The following CDH26 variants were observed in gnomAD, a reference collection of about 807,000 sequenced individuals.
CDH26 encodes cadherin 26, also known as cadherin-like protein 26.
In CDH26, 83 loss-of-function variants were observed where a neutral mutation model predicts 90.3. That is an observed-to-expected ratio of 0.92 (90% CI 0.77 to 1.10). The LOEUF (loss-of-function observed/expected upper bound fraction) is 1.10. Among genes scored for constraint, CDH26 ranks in the 50% least tolerant of loss-of-function variants. CDH26 has a pLI of 0.00. For synonymous variants in CDH26, 397 were observed against 396.3 expected (o/e 1.00, Z -0.02); for missense variants, 1,013 against 1,037.6 (o/e 0.98, Z 0.33).
Position 59,967,880 on chromosome 20 carries a change from C to CTCTCT in CDH26, c.70-1087_70-1086insTCTCT, listed in dbSNP as rs1195650307. ...TTCTTTCTTTCTTTCTTTCTTTCTT[C>CTCTCT]CTTCCTTCCTTCCTTCCTTCCTTCC... On this transcript the variant is annotated intron_variant, in intron 1 of 17. Coordinates refer to ENST00000348616, the MANE Select transcript of CDH26 (RefSeq NM_177980.4). Among the ~76,000 whole-genome samples, 68 of 74,970 alleles carry CTCTCT rather than the reference C, an allele frequency of 9.1e-4. 1 individual carries two copies. Among genetic ancestry groups the CTCTCT allele is most frequent in the African/African-American group, 5.4e-3 (63 of 11,634 alleles). 49.2% of individuals were successfully genotyped at this position (74,970 alleles called of 152,430 possible). A position where few individuals can be genotyped will look rare whatever the true frequency, so the allele number is the denominator to read the frequency against.
chr20:60,022,756 C>A (rs981862418), intron 7 of CDH26, among the ~76,000 whole-genome samples: 2 of 152,100 alleles, frequency 1.3e-5, no homozygotes, highest in Non-Finnish European at 2.9e-5. Context: ...AAAGGCCAAA[C>A]AAATCTGCTA....
At chr20:59,990,566 A>G (rs975553215) in intron 9 of CDH26, among the ~76,000 whole-genome samples, 1 of 152,220 alleles carries the variant, frequency 6.6e-6, no homozygotes, top group Non-Finnish European at 1.5e-5. Flanking sequence ...TTTACAATTC[A>G]TTATGGAGTG....
intron 9 of CDH26, among the ~76,000 whole-genome samples, chr20:59,989,534 C>CAAA (rs924037162): frequency 4.0e-5 from 3 of 74,882 alleles, no homozygotes; most frequent in East Asian, 5.1e-4. Context: ...GACTCCGTCT[C>CAAA]AAAAAAAAAA....
chr20:60,028,162 C>A (rs1417801736), intron 7 of CDH26, among the ~76,000 whole-genome samples: 1 of 152,096 alleles, frequency 6.6e-6, no homozygotes, highest in African/African-American at 2.4e-5. Flanking sequence ...CAGGGCAGCA[C>A]CCCCAGGACC....
At chr20:59,985,396 G>T (rs756906760) in intron 7 of CDH26, among the ~76,000 whole-genome samples, 10 of 152,236 alleles carry the variant, frequency 6.6e-5, no homozygotes, top group Middle Eastern at 6.8e-3. Context: ...GAGCAGGCAT[G>T]TCACTCGGTG....
chr20:60,012,545 G>T lies in CDH26; in HGVS notation c.2314G>T (p.Val772Leu). ...TCCCCAGAAACTCCATGTTGCCAATGTGCTGGAAGATGACCCCGGCTACCT... is the reference window on the plus strand; with the variant it reads ...TCCCCAGAAACTCCATGTTGCCAATTTGCTGGAAGATGACCCCGGCTACCT... Reference protein sequence around the residue: ...TLNQKLHVANVLEDDPGYLPH... With the variant: ...TLNQKLHVANLLEDDPGYLPH... Residue 772 changes from valine to leucine, a missense_variant, in exon 18 of 18, where the codon GTG becomes TTG. Val to Leu is a conservative substitution (Grantham distance 32). Transcript: ENST00000348616. The T allele has an allele frequency of 6.2e-7, 1 of 1,613,674 alleles. No homozygotes were observed. Among genetic ancestry groups the T allele is most frequent in the Non-Finnish European group, 8.5e-7 (1 of 1,179,712 alleles).
At chr20:59,968,021 CTCTG>C (rs1569025030) in intron 1 of CDH26, among the ~76,000 whole-genome samples, 3 of 110,826 alleles carry the variant, frequency 2.7e-5, no homozygotes, top group African/African-American at 1.5e-4. Flanking sequence ...CTTCCTTTCT[CTCTG>C]TCTCTCTCTC....
Position 59,996,428 on chromosome 20 carries a change from T to C in CDH26, c.1889-203T>C. 1.9e-6 allele frequency: 3 copies of C among 1,573,428 alleles called. No homozygotes were observed. The South Asian group carries it at 3.5e-5, about 18-fold the overall frequency. ...TACAATATTACTGGCCAGATAGTATTATTGATTAATTCAACAAACAGTTAT... is the reference window on the plus strand; with the variant it reads ...TACAATATTACTGGCCAGATAGTATCATTGATTAATTCAACAAACAGTTAT... On this transcript the variant is annotated intron_variant, in intron 12 of 17. Transcript: ENST00000348616.
chr20:60,014,289 A>G lies in CDH26; in HGVS notation c.*1559A>G, dbSNP rs1007235478. 6.6e-6 allele frequency: 1 copy of G among 152,148 alleles called. No homozygotes were observed. The highest frequency in any genetic ancestry group is 2.4e-5 in the African/African-American group (1 of 41,426). 9.4% of individuals were successfully genotyped at this position (152,148 alleles called of 1,614,324 possible). On this transcript the variant is annotated 3_prime_UTR_variant, in exon 18 of 18. Coordinates refer to ENST00000348616, the MANE Select transcript of CDH26 (RefSeq NM_177980.4). The stretch of plus-strand genomic sequence containing the variant: ...GCTCAAACATTTTTCATTTCTTTGT[A>G]TTGGTACGGAGCATTCAATATCCAT...
intron 13 of CDH26, among the ~76,000 whole-genome samples, 170 bp from the exon 14 acceptor site, chr20:59,999,416 C>T (rs1439715538): frequency 6.6e-6 from 1 of 152,218 alleles, no homozygotes. Context: ...TCTTTTCCCA[C>T]ATAAGTCATC....
intron 7 of CDH26, among the ~76,000 whole-genome samples, chr20:60,020,997 C>G (rs2061947878): frequency 6.6e-6 from 1 of 152,184 alleles, no homozygotes; most frequent in Admixed American, 6.5e-5. Flanking sequence ...ATGCACGGTG[C>G]CTCTACACTG....
chr20:60,022,635 G>A (rs964090297), intron 7 of CDH26, among the ~76,000 whole-genome samples: 5 of 152,224 alleles, frequency 3.3e-5, no homozygotes, highest in Non-Finnish European at 5.9e-5. Flanking sequence ...TATCAAGACA[G>A]TGCCAAATAG....
chr20:59,962,819 T>C (rs1355736323), intron 1 of CDH26, among the ~76,000 whole-genome samples: 1 of 151,968 alleles, frequency 6.6e-6, no homozygotes, highest in Non-Finnish European at 1.5e-5. Flanking sequence ...AACTTGGACA[T>C]GGGGATGAGA....
intron 17 of CDH26, among the ~76,000 whole-genome samples, chr20:60,007,635 A>T (rs948848369): frequency 1.3e-5 from 2 of 152,102 alleles, no homozygotes; most frequent in African/African-American, 4.8e-5. Flanking sequence ...CTGCCATGGC[A>T]TTTGTAAGCT....
chr20:59,995,062 T>C (rs999453322), intron 11 of CDH26, among the ~76,000 whole-genome samples: 1 of 152,184 alleles, frequency 6.6e-6, no homozygotes, highest in Non-Finnish European at 1.5e-5. Context: ...AGCCGTGGCG[T>C]CTGTAGACTG....
At chr20:59,996,364 T>TG in intron 12 of CDH26, 1 of 1,459,432 alleles carries the variant, frequency 6.9e-7, no homozygotes, top group Non-Finnish European at 9.0e-7. Context: ...CTCCTGGACT[T>TG]GGCAAGGCTA....
intron 17 of CDH26, among the ~76,000 whole-genome samples, chr20:60,012,262 G>A (rs2061854504): frequency 6.6e-6 from 1 of 152,122 alleles, no homozygotes. Context: ...GGTGGGAGCA[G>A]GTGGGAGGTC....
intron 17 of CDH26, among the ~76,000 whole-genome samples, 157 bp from the exon 18 acceptor site, chr20:60,012,370 C>T (rs533239360): frequency 1.3e-5 from 2 of 152,278 alleles, no homozygotes; most frequent in East Asian, 1.9e-4. Flanking sequence ...GCATGGCTGC[C>T]ACTTCTGGAA....
At chr20:59,961,778 A>G (rs893772405) in intron 1 of CDH26, among the ~76,000 whole-genome samples, 4 of 152,204 alleles carry the variant, frequency 2.6e-5, no homozygotes, top group Admixed American at 6.5e-5. Flanking sequence ...AGTAATGACA[A>G]GCCAAGGAAG....
Sources: gnomAD v4.1 joint callset for allele counts (sites outside exome capture counted in the v4.1 genomes callset) on GRCh38, gnomAD v4.1.1 for gene constraint, MANE v1.5 for transcripts, NCBI Gene and HGNC (gene_info 2026-07-23, HGNC 2026-07-21) for gene names.